Variants in JCAD observed in about 807,000 individuals in gnomAD.
The protein encoded by JCAD is junctional cadherin 5-associated protein.
A neutral mutation model predicts 98.0 loss-of-function variants in JCAD; 40 were observed. The observed-to-expected ratio is 0.41, with a 90% CI of 0.32 to 0.53. The LOEUF (loss-of-function observed/expected upper bound fraction) is 0.53. Among genes scored for constraint, JCAD ranks in the 20% least tolerant of loss-of-function variants. The pLI is 0.31. For missense variants in JCAD, 1,705 were observed against 1,738.1 expected, an observed-to-expected ratio of 0.98 and a Z score of 0.34; for synonymous variants, 691 against 682.3, an observed-to-expected ratio of 1.01 and a Z score of -0.20.
At position 30,047,784 on chromosome 10, in the gene JCAD, G is replaced by C; in HGVS notation, c.29C>G (p.Ser10Cys). Residue 10 changes from serine to cysteine, a missense_variant, in exon 2 of 4, where the codon TCT (serine) becomes TGT (cysteine). Ser to Cys is a moderately radical substitution (Grantham distance 112, BLOSUM62 -1). This residue lies in a region of JCAD where 152 missense variants were observed against 148.0 expected (regional missense o/e 1.03). Coordinates refer to ENST00000375377, the MANE Select transcript of JCAD (RefSeq NM_020848.4). ...GTCTCTTGACAGCTTGTATCCATGAGAGATCAGGAGGTCTTCTACACTGTA... is the reference window on the plus strand; with the variant it reads ...GTCTCTTGACAGCTTGTATCCATGACAGATCAGGAGGTCTTCTACACTGTA... Reference protein sequence around the residue: MYSVEDLLISHGYKLSRDPP... With the variant: MYSVEDLLICHGYKLSRDPP... 1 of 1,613,830 alleles carries C rather than the reference G, an allele frequency of 6.2e-7. No individual in the cohort carries two copies. The highest frequency in any genetic ancestry group is 8.5e-7 in the Non-Finnish European group (1 of 1,179,892).
chr10:30,048,307 A>C (rs1837398084), intron 1 of JCAD, among the ~76,000 whole-genome samples: 1 of 152,140 alleles, frequency 6.6e-6, no homozygotes, highest in South Asian at 2.1e-4. Flanking sequence ...ATCCAGCTTA[A>C]TCTTAGGACA....
intron 2 of JCAD, among the ~76,000 whole-genome samples, chr10:30,041,936 A>C (rs1269699934): frequency 6.6e-6 from 1 of 152,184 alleles, no homozygotes; most frequent in Non-Finnish European, 1.5e-5. Context: ...CCATGTGCAG[A>C]TAACACAGTT....
intron 1 of JCAD, among the ~76,000 whole-genome samples, chr10:30,057,265 G>A (rs1362972999): frequency 6.6e-6 from 1 of 152,234 alleles, no homozygotes; most frequent in Non-Finnish European, 1.5e-5. Flanking sequence ...AAACTGGCCA[G>A]TGAGAACTTG....
At chr10:30,059,700 G>A (rs533531878), upstream of JCAD, among the ~76,000 whole-genome samples, 6 of 146,646 alleles carry the variant, frequency 4.1e-5, no homozygotes, top group Admixed American at 2.6e-4. The surrounding 1 kb of genome is among the most constrained non-coding windows in gnomAD (Gnocchi z 5.0). Context: ...GGCTTTTGGG[G>A]TCCGCCTGCG....
At chr10:30,069,932 T>C (rs750126876) in intron 1 of JCAD, 1 of 152,190 alleles carries the variant, frequency 6.6e-6, no homozygotes, top group Non-Finnish European at 1.5e-5. Flanking sequence ...TTTTTCTGTG[T>C]TCTAACTTAA....
At chr10:30,068,510 AC>A (rs1260445506) in intron 2 of JCAD, among the ~76,000 whole-genome samples, 4 of 151,920 alleles carry the variant, frequency 2.6e-5, no homozygotes, top group African/African-American at 9.7e-5. Context: ...CTGGTGCAGT[AC>A]TGCATTTATC....
intron 2 of JCAD, 104 bp downstream of exon 2, chr10:30,047,428 T>C: frequency 7.3e-7 from 1 of 1,375,828 alleles, no homozygotes; most frequent in South Asian, 1.4e-5. Flanking sequence ...CATTTCTCCC[T>C]CCTTGGCCCT....
upstream of JCAD, among the ~76,000 whole-genome samples, chr10:30,064,020 T>A (rs1340018914): frequency 2.6e-5 from 4 of 152,194 alleles, no homozygotes; most frequent in Non-Finnish European, 5.9e-5. Context: ...TTGGCCAGGC[T>A]GGTCTCGAAC....
chr10:30,088,519 C>T (rs2478831), intron 1 of JCAD, among the ~76,000 whole-genome samples: 1 of 151,852 alleles, frequency 6.6e-6, no homozygotes, highest in Non-Finnish European at 1.5e-5. Flanking sequence ...AAGATAAAGG[C>T]CCTGATTCAA....
chr10:30,094,043 C>T (rs899458027), intron 1 of JCAD, among the ~76,000 whole-genome samples: 2 of 151,982 alleles, frequency 1.3e-5, no homozygotes, highest in South Asian at 2.1e-4. Context: ...TGGTTGATGC[C>T]GCAGGAAGGA....
At chr10:30,086,577 C>A (rs958124871) in intron 1 of JCAD, among the ~76,000 whole-genome samples, 2 of 152,202 alleles carry the variant, frequency 1.3e-5, no homozygotes, top group Admixed American at 6.5e-5. Context: ...TTGCCACCCA[C>A]CCTGGGTGGA....
intron 1 of JCAD, among the ~76,000 whole-genome samples, chr10:30,112,762 C>G (rs992618720): frequency 3.3e-5 from 5 of 151,314 alleles, no homozygotes; most frequent in African/African-American, 1.2e-4. Flanking sequence ...ATCCCAGCTA[C>G]TCAGGAAGCT....
In JCAD at chr10:30,047,544, G is replaced by T; in HGVS notation, c.269C>A (p.Thr90Asn). 6.2e-7 allele frequency: 1 copy of T among 1,612,530 alleles called. No homozygotes were observed. Among genetic ancestry groups the T allele is most frequent in the South Asian group, 1.1e-5 (1 of 91,036 alleles). Reference protein sequence around the residue: ...GEPQSTSASRTSEAGFCNQPP... With the variant: ...GEPQSTSASRNSEAGFCNQPP... ...CAGTGAAACTTACCCCGCCTCCGAG[G>T]TTCTGGAAGCAGAAGTGCTCTGGGG... The change falls in exon 2 of 4, where the codon ACC becomes AAC. Residue 90 changes from threonine to asparagine, a missense_variant. Coordinates refer to ENST00000375377, the MANE Select transcript of JCAD (RefSeq NM_020848.4).
intron 2 of JCAD, among the ~76,000 whole-genome samples, chr10:30,039,505 T>C (rs895146564): frequency 3.9e-5 from 6 of 152,096 alleles, no homozygotes; most frequent in Non-Finnish European, 7.4e-5. Flanking sequence ...ACCTTCAAAG[T>C]GTTATTCATC....
chr10:30,047,458 A>G (rs537527646), intron 2 of JCAD, 74 bp downstream of exon 2: 1 of 1,499,674 alleles, frequency 6.7e-7, no homozygotes, highest in Non-Finnish European at 9.0e-7. Flanking sequence ...TAGATTTGAA[A>G]GAGTTTACCT....
chr10:30,056,852 C>T (rs1837579972), intron 1 of JCAD, among the ~76,000 whole-genome samples: 1 of 152,092 alleles, frequency 6.6e-6, no homozygotes, highest in Admixed American at 6.6e-5. Flanking sequence ...TTTCTAAACA[C>T]CATTTAGTGT....
chr10:30,027,153 G>A lies in JCAD; in HGVS notation c.2995C>T (p.Pro999Ser). 6.2e-7 allele frequency: 1 copy of A among 1,614,102 alleles called. No individual in the cohort carries two copies. The highest frequency in any genetic ancestry group is 8.5e-7 in the Non-Finnish European group (1 of 1,179,978). Residue 999 changes from proline (P) to serine (S), a missense_variant, in exon 3 of 4, where the codon CCC becomes TCC. Physicochemically the swap from Pro to Ser is moderately conservative, Grantham distance 74. This residue lies in a region of JCAD where 1,278 missense variants were observed against 1,243.1 expected (regional missense o/e 1.03). Coordinates refer to ENST00000375377, the MANE Select transcript of JCAD (RefSeq NM_020848.4). ...PASYPAEPRE[P>S]QESPKITSAF... Reference sequence around the variant, plus strand: ...CTGGTGATTTTCGGACTTTCCTGGGGCTCCCTAGGTTCAGCTGGATAGGAC... The same window carrying A: ...CTGGTGATTTTCGGACTTTCCTGGGACTCCCTAGGTTCAGCTGGATAGGAC...
chr10:30,047,358 G>A (rs1265606362), intron 2 of JCAD, among the ~76,000 whole-genome samples, 174 bp downstream of exon 2: 3 of 152,218 alleles, frequency 2.0e-5, no homozygotes, highest in Admixed American at 2.0e-4. Context: ...GACAGAGCAA[G>A]ACTCCGTCTC....
At chr10:30,109,645 C>T (rs1838651878) in intron 1 of JCAD, among the ~76,000 whole-genome samples, 1 of 152,186 alleles carries the variant, frequency 6.6e-6, no homozygotes, top group African/African-American at 2.4e-5. Flanking sequence ...CAGCCTCCAT[C>T]CCCACAATCC....
Sources: gnomAD v4.1 joint callset for allele counts (sites outside exome capture counted in the v4.1 genomes callset) on GRCh38, gnomAD v4.1.1 for gene constraint, gnomAD v4.1.1 regional missense constraint, Gnocchi (gnomAD v3.1) non-coding constraint, MANE v1.5 for transcripts, NCBI Gene and HGNC (gene_info 2026-07-23, HGNC 2026-07-21) for gene names.